Variants in XKR6 observed in about 807,000 individuals in gnomAD.
The protein encoded by XKR6 is XK-related protein 6.
Under a neutral mutation model 56.7 loss-of-function variants are expected in XKR6, and 22 were observed. The ratio of observed to expected loss-of-function variants is 0.39; its 90% CI spans 0.28 to 0.55. The LOEUF is 0.55. Among genes scored for constraint, XKR6 ranks in the 20% least tolerant of loss-of-function variants. The pLI is 0.66. For missense variants in XKR6, 852 were observed against 889.0 expected (o/e 0.96, Z 0.53); for synonymous variants, 524 against 387.8 (o/e 1.35, Z -4.13).
chr8:11,102,287 T>C (rs978117032), intron 1 of XKR6, among the ~76,000 whole-genome samples: 2 of 152,204 alleles, frequency 1.3e-5, no homozygotes, highest in African/African-American at 4.8e-5. Flanking sequence ...AATTCATTTA[T>C]GCCGTTAGTT....
intron 1 of XKR6, among the ~76,000 whole-genome samples, chr8:11,186,291 T>C (rs1310218002): frequency 1.3e-5 from 2 of 152,192 alleles, no homozygotes; most frequent in Admixed American, 6.5e-5. Flanking sequence ...TGTGAAGGTG[T>C]TGCCCAGCCA....
At chr8:11,082,730 C>A (rs895733060) in intron 1 of XKR6, among the ~76,000 whole-genome samples, 2 of 152,158 alleles carry the variant, frequency 1.3e-5, no homozygotes, top group Admixed American at 6.5e-5. Context: ...AACTGGGACA[C>A]AGCTCAGGTT....
intron 1 of XKR6, among the ~76,000 whole-genome samples, chr8:11,178,550 A>ATATATATATATATATATG (rs1563197750): frequency 0.031 from 2,968 of 94,756 alleles, 82 homozygotes; most frequent in Non-Finnish European, 0.041. Flanking sequence ...AGGTAAAAAT[A>ATATATATATATATATATG]TATATATATA....
At chr8:11,199,747 T>C (rs954669335) in intron 1 of XKR6, among the ~76,000 whole-genome samples, 10 of 152,118 alleles carry the variant, frequency 6.6e-5, no homozygotes, top group African/African-American at 2.4e-4. Flanking sequence ...ACACGGGAAA[T>C]TTACAAAACG....
At chr8:11,164,136 A>G (rs1213546589) in intron 1 of XKR6, among the ~76,000 whole-genome samples, 2 of 152,190 alleles carry the variant, frequency 1.3e-5, no homozygotes, top group Non-Finnish European at 2.9e-5. Flanking sequence ...GGGTCTGCCT[A>G]TTCACTGCCA....
intron 2 of XKR6, among the ~76,000 whole-genome samples, chr8:10,912,824 A>T (rs1034121608): frequency 7.1e-6 from 1 of 140,526 alleles, no homozygotes; most frequent in African/African-American, 2.7e-5. Context: ...GTATATATAC[A>T]TATATATATA....
intron 1 of XKR6, among the ~76,000 whole-genome samples, chr8:11,170,066 T>C (rs1433380102): frequency 6.6e-6 from 1 of 152,034 alleles, no homozygotes; most frequent in Non-Finnish European, 1.5e-5. Context: ...TTGAACAAGT[T>C]TCTGGTTATT....
intron 1 of XKR6, among the ~76,000 whole-genome samples, chr8:10,932,287 A>G (rs1801073244): frequency 6.6e-6 from 1 of 152,248 alleles, no homozygotes; most frequent in South Asian, 2.1e-4. Context: ...CACTCTGGAA[A>G]ACAGTGGACA....
At chr8:11,015,614 G>A (rs1353048438) in intron 1 of XKR6, among the ~76,000 whole-genome samples, 1 of 152,184 alleles carries the variant, frequency 6.6e-6, no homozygotes, top group Non-Finnish European at 1.5e-5. Flanking sequence ...GGCTTCTCCG[G>A]CCTCAGGCAA....
At chr8:10,906,041 C>A (rs1762288259) in intron 2 of XKR6, among the ~76,000 whole-genome samples, 2 of 152,178 alleles carry the variant, frequency 1.3e-5, no homozygotes, top group South Asian at 4.2e-4. Flanking sequence ...CGTTAAATAA[C>A]CCACCCAAGG....
intron 1 of XKR6, among the ~76,000 whole-genome samples, chr8:11,085,853 C>T (rs1797868983): frequency 6.6e-6 from 1 of 152,176 alleles, no homozygotes; most frequent in Non-Finnish European, 1.5e-5. Flanking sequence ...AGATGCCCTA[C>T]CTTGCGTCAC....
chr8:10,992,062 C>T (rs1798005864), intron 1 of XKR6, among the ~76,000 whole-genome samples: 1 of 152,180 alleles, frequency 6.6e-6, no homozygotes, highest in Admixed American at 6.5e-5. Flanking sequence ...GCCGTGAGTC[C>T]TGCCGCCAGG....
intron 1 of XKR6, among the ~76,000 whole-genome samples, chr8:11,146,041 G>A (rs1422756813): frequency 6.6e-6 from 1 of 151,818 alleles, no homozygotes; most frequent in Non-Finnish European, 1.5e-5. Context: ...ACATATTTAT[G>A]GTCAATTGAC....
intron 1 of XKR6, among the ~76,000 whole-genome samples, chr8:10,987,814 G>A (rs989088408): frequency 6.6e-6 from 1 of 152,116 alleles, no homozygotes. Context: ...TTTCCCAAAT[G>A]GCCTCCTTTC....
intron 1 of XKR6, among the ~76,000 whole-genome samples, chr8:10,950,800 T>C (rs1801694055): frequency 6.6e-6 from 1 of 150,976 alleles, no homozygotes; most frequent in African/African-American, 2.4e-5. Flanking sequence ...CAGGAGTAAG[T>C]GTCGAACACT....
chr8:11,068,604 G>A (rs1056429459), intron 1 of XKR6, among the ~76,000 whole-genome samples: 7 of 152,244 alleles, frequency 4.6e-5, no homozygotes, highest in South Asian at 2.1e-4. Context: ...ATGGCATCTC[G>A]GCAGGTCCTG....
At chr8:11,138,784 G>A (rs1300263277) in intron 1 of XKR6, among the ~76,000 whole-genome samples, 1 of 152,110 alleles carries the variant, frequency 6.6e-6, no homozygotes. Context: ...CCAGTCCTCT[G>A]AATTTTCACA....
chr8:10,902,820 A>G (rs1181925327), intron 2 of XKR6, among the ~76,000 whole-genome samples: 1 of 152,200 alleles, frequency 6.6e-6, no homozygotes, highest in Non-Finnish European at 1.5e-5. Context: ...CTCTGCCAGC[A>G]ACAGGGGCGA....
chr8:11,022,726 G>A (rs1012126303), intron 1 of XKR6, among the ~76,000 whole-genome samples: 4 of 152,214 alleles, frequency 2.6e-5, no homozygotes, highest in African/African-American at 7.2e-5. Context: ...CCTGCAATTA[G>A]TAAGTGGTAG....
Sources: allele counts gnomAD v4.1 joint callset (sites outside exome capture counted in the v4.1 genomes callset), GRCh38; gene constraint gnomAD v4.1.1; transcripts MANE v1.5; gene names NCBI Gene and HGNC (gene_info 2026-07-23, HGNC 2026-07-21).